The following GRIP1 variants were observed in gnomAD, a reference collection of about 807,000 sequenced individuals.
The protein encoded by GRIP1 is glutamate receptor-interacting protein 1.
GRIP1 carries 45 observed loss-of-function variants against 129.9 expected under a neutral mutation model. The ratio of observed to expected loss-of-function variants is 0.35; its 90% confidence interval spans 0.27 to 0.44. The LOEUF is 0.44. Among genes scored for constraint, GRIP1 ranks in the 20% least tolerant of loss-of-function variants. GRIP1 has a pLI of 1.00. For missense variants in GRIP1, 1,196 were observed against 1,396.8 expected, an observed-to-expected ratio of 0.86 and a Z score of 2.29; for synonymous variants, 530 against 520.8, an observed-to-expected ratio of 1.02 and a Z score of -0.24.
chr12:66,597,397 G>A (rs1156965855), intron 1 of GRIP1, among the ~76,000 whole-genome samples: 1 of 152,182 alleles, frequency 6.6e-6, no homozygotes, highest in African/African-American at 2.4e-5. Context: ...AGATGACAGA[G>A]AGTTAGTATT....
At chr12:66,814,380 C>A (rs1279451806) in intron 1 of GRIP1, among the ~76,000 whole-genome samples, 1 of 151,638 alleles carries the variant, frequency 6.6e-6, no homozygotes, top group African/African-American at 2.4e-5. Flanking sequence ...CTGAAAGGAG[C>A]CTTCTTTTCA....
At chr12:66,931,929 A>T (rs1413417428) in intron 1 of GRIP1, among the ~76,000 whole-genome samples, 1 of 152,218 alleles carries the variant, frequency 6.6e-6, no homozygotes, top group Non-Finnish European at 1.5e-5. Context: ...TCTTACAACC[A>T]AACAAACATT....
intron 1 of GRIP1, among the ~76,000 whole-genome samples, chr12:66,650,142 C>G (rs2032687051): frequency 6.6e-6 from 1 of 152,158 alleles, no homozygotes; most frequent in Non-Finnish European, 1.5e-5. Flanking sequence ...GCGGGTAGCT[C>G]CACATCCAAG....
chr12:66,817,403 A>AT (rs1485355369), intron 1 of GRIP1, among the ~76,000 whole-genome samples: 2 of 151,952 alleles, frequency 1.3e-5, no homozygotes, highest in African/African-American at 4.8e-5. Context: ...AAAACTGAAA[A>AT]TTTTATTGTA....
At chr12:66,570,382 TAG>T (rs762394668) in intron 2 of GRIP1, among the ~76,000 whole-genome samples, 1 of 152,130 alleles carries the variant, frequency 6.6e-6, no homozygotes, top group Non-Finnish European at 1.5e-5. Flanking sequence ...GTGCTAGGAT[TAG>T]AGAGGCATGA....
At chr12:66,813,351 T>A (rs2039139813) in intron 1 of GRIP1, among the ~76,000 whole-genome samples, 1 of 152,276 alleles carries the variant, frequency 6.6e-6, no homozygotes, top group Middle Eastern at 3.4e-3. Flanking sequence ...AAGAGAGATC[T>A]GCACCGATGA....
chr12:66,917,328 C>T (rs137930438), intron 1 of GRIP1, among the ~76,000 whole-genome samples: 2 of 152,292 alleles, frequency 1.3e-5, no homozygotes, highest in East Asian at 3.9e-4. Flanking sequence ...ATTTCAAATA[C>T]AGTCCATCTT....
At chr12:66,590,511 G>A (rs1392323777) in intron 2 of GRIP1, among the ~76,000 whole-genome samples, 2 of 152,048 alleles carry the variant, frequency 1.3e-5, no homozygotes, top group Non-Finnish European at 2.9e-5. Context: ...TAATTAATGC[G>A]TACCTGCCAT....
intron 1 of GRIP1, among the ~76,000 whole-genome samples, chr12:66,613,062 T>A (rs1290189467): frequency 3.3e-5 from 5 of 152,098 alleles, no homozygotes; most frequent in Non-Finnish European, 7.4e-5. Flanking sequence ...AGTTAAATAA[T>A]CCCCTAAATA....
chr12:66,632,775 C>T (rs1397335372), intron 1 of GRIP1, among the ~76,000 whole-genome samples: 2 of 152,114 alleles, frequency 1.3e-5, no homozygotes, highest in Non-Finnish European at 2.9e-5. Context: ...GAAACTCATA[C>T]TGGAATCCAA....
intron 1 of GRIP1, among the ~76,000 whole-genome samples, chr12:66,688,930 C>G (rs1245201607): frequency 6.6e-6 from 1 of 152,196 alleles, no homozygotes; most frequent in African/African-American, 2.4e-5. Flanking sequence ...TTCACTGGGT[C>G]TCTTCCTCTC....
intron 1 of GRIP1, among the ~76,000 whole-genome samples, chr12:66,885,773 C>T (rs2040556016): frequency 6.6e-6 from 1 of 152,144 alleles, no homozygotes; most frequent in African/African-American, 2.4e-5. Flanking sequence ...GGAAGAAGAA[C>T]TCTAAAAGCC....
chr12:66,631,174 G>C (rs1483033561), intron 1 of GRIP1, among the ~76,000 whole-genome samples: 3 of 152,154 alleles, frequency 2.0e-5, no homozygotes, highest in African/African-American at 7.2e-5. Context: ...CTGACCTCAA[G>C]TGATCTGCCT....
Position 66,538,236 on chromosome 12 carries a change from G to C in GRIP1, c.418+842C>G, listed in dbSNP as rs528453663. Among the ~76,000 whole-genome samples the C allele has an allele frequency of 3.5e-5, 5 of 143,544 alleles. No homozygotes were observed. The South Asian group carries it at 1.1e-3, about 31-fold the overall frequency. The allele number at this position is 143,544 out of a possible 152,430, so 94.2% of individuals were successfully genotyped here. On this transcript the variant is annotated intron_variant, in intron 4 of 24. Coordinates refer to ENST00000359742, the MANE Select transcript of GRIP1 (RefSeq NM_001366722.1). The stretch of plus-strand genomic sequence containing the variant: ...TTTTTTTTAAACAGGGTTTTGCTCT[G>C]TCACCTAGGCTGGAGTGCAATGACA...
chr12:66,900,861 A>G (rs1169477958), intron 1 of GRIP1, among the ~76,000 whole-genome samples: 1 of 152,206 alleles, frequency 6.6e-6, no homozygotes, highest in Non-Finnish European at 1.5e-5. Flanking sequence ...GAGTAAATGG[A>G]GAATGGATAT....
chr12:66,400,691 G>C (rs1382778869), intron 16 of GRIP1, among the ~76,000 whole-genome samples: 1 of 152,110 alleles, frequency 6.6e-6, no homozygotes, highest in Non-Finnish European at 1.5e-5. Context: ...CTATATATTA[G>C]AGTAATATTC....
At chr12:66,733,982 GGA>G (rs143548405) in intron 1 of GRIP1, among the ~76,000 whole-genome samples, 2,893 of 152,194 alleles carry the variant, frequency 0.019, 100 homozygotes, top group African/African-American at 0.066. Context: ...GCTTTTTTCA[GGA>G]GAGAGGTGGT....
chr12:66,510,726 T>C (rs1471258818), intron 7 of GRIP1, among the ~76,000 whole-genome samples: 1 of 152,154 alleles, frequency 6.6e-6, no homozygotes, highest in African/African-American at 2.4e-5. Flanking sequence ...ACTGAATAAA[T>C]ATATCTGACT....
Position 66,996,338 on chromosome 12 carries a change from C to A in GRIP1, c.58+72712G>T, listed in dbSNP as rs142807651. On this transcript the variant is annotated intron_variant, in intron 1 of 1. Coordinates refer to the GRIP1 transcript ENST00000643019. ...TATTTCAATAAAGCTATTAAAAATG[C>A]GAACTAACAATTTGAAACTCTTTCA... Among the ~76,000 whole-genome samples the A allele has an allele frequency of 1.1e-3, 169 of 150,740 alleles. 1 individual carries two copies. Among genetic ancestry groups the A allele is most frequent in the African/African-American group, 4.1e-3 (168 of 40,920 alleles).
Sources: allele counts gnomAD v4.1 joint callset (sites outside exome capture counted in the v4.1 genomes callset), GRCh38; gene constraint gnomAD v4.1.1; transcripts MANE v1.5; gene names NCBI Gene and HGNC (gene_info 2026-07-23, HGNC 2026-07-21).